KCNIP4: variants seen among roughly 807,000 people sequenced by gnomAD.
KCNIP4 encodes the protein potassium voltage-gated channel interacting protein 4, also known as Kv channel-interacting protein 4.
KCNIP4 carries 12 observed loss-of-function variants against 34.0 expected under a neutral mutation model. That is an observed-to-expected ratio of 0.35 (90% confidence interval 0.23 to 0.57). The LOEUF is 0.57. Among genes scored for constraint, KCNIP4 ranks in the 20% least tolerant of loss-of-function variants. The pLI, the probability that KCNIP4 is intolerant of heterozygous loss-of-function variation, is 0.83. For missense variants in KCNIP4, 238 were observed against 311.7 expected (o/e 0.76, Z 1.78); for synonymous variants, 124 against 102.2 (o/e 1.21, Z -1.29).
intron 1 of KCNIP4, among the ~76,000 whole-genome samples, chr4:20,913,221 A>G (rs1728493314): frequency 6.6e-6 from 1 of 152,170 alleles, no homozygotes; most frequent in Non-Finnish European, 1.5e-5. Context: ...ACAGAGGTGG[A>G]TCTTAAAAAC....
At chr4:21,643,105 T>A (rs529838885) in intron 1 of KCNIP4, among the ~76,000 whole-genome samples, 7 of 152,308 alleles carry the variant, frequency 4.6e-5, no homozygotes, top group Admixed American at 1.3e-4. Flanking sequence ...AAATGGGAAC[T>A]GTGTCATGTG....
chr4:21,493,642 A>C (rs1268951811), intron 1 of KCNIP4, among the ~76,000 whole-genome samples: 1 of 152,252 alleles, frequency 6.6e-6, no homozygotes. Context: ...CTTTCTCTCC[A>C]TCTAGCAGAC....
At chr4:20,962,724 A>G (rs1733969317) in intron 1 of KCNIP4, among the ~76,000 whole-genome samples, 1 of 152,248 alleles carries the variant, frequency 6.6e-6, no homozygotes, top group South Asian at 2.1e-4. Context: ...ATCAAATGAC[A>G]TGTTGCAGTG....
At chr4:20,980,698 G>A (rs915029132) in intron 1 of KCNIP4, among the ~76,000 whole-genome samples, 90 of 152,038 alleles carry the variant, frequency 5.9e-4, no homozygotes, top group African/African-American at 2.1e-3. Flanking sequence ...AATATTCCAT[G>A]ATGGTACCAT....
chr4:21,742,233 T>C (rs536398136), intron 1 of KCNIP4, among the ~76,000 whole-genome samples: 1 of 152,268 alleles, frequency 6.6e-6, no homozygotes, highest in African/African-American at 2.4e-5. Context: ...CAACCATGCA[T>C]TACATAGAGA....
intron 1 of KCNIP4, among the ~76,000 whole-genome samples, chr4:21,565,430 G>A (rs574771917): frequency 1.3e-5 from 2 of 152,156 alleles, no homozygotes. Context: ...GGGTGTTAAG[G>A]CTTCAACATA....
At chr4:21,420,072 C>G (rs1336094188) in intron 1 of KCNIP4, among the ~76,000 whole-genome samples, 1 of 152,128 alleles carries the variant, frequency 6.6e-6, no homozygotes, top group East Asian at 1.9e-4. Flanking sequence ...TTTTTACAAT[C>G]TGTTCTATGT....
At chr4:21,486,403 C>A (rs1467920871) in intron 1 of KCNIP4, among the ~76,000 whole-genome samples, 1 of 151,938 alleles carries the variant, frequency 6.6e-6, no homozygotes, top group African/African-American at 2.4e-5. Context: ...TGTGAGATAC[C>A]CTGAACCTAG....
intron 1 of KCNIP4, among the ~76,000 whole-genome samples, chr4:21,483,994 G>C (rs1350311094): frequency 1.5e-5 from 2 of 133,056 alleles, no homozygotes; most frequent in Non-Finnish European, 3.2e-5. Context: ...AGAACCATGA[G>C]CCAATTAAAC....
At chr4:21,947,340 A>G (rs1354071215) in intron 1 of KCNIP4, among the ~76,000 whole-genome samples, 1 of 152,210 alleles carries the variant, frequency 6.6e-6, no homozygotes, top group African/African-American at 2.4e-5. Context: ...CATAAGTGAA[A>G]ACAGAACTAA....
chr4:21,645,685 A>C (rs562053349), intron 1 of KCNIP4, among the ~76,000 whole-genome samples: 1 of 152,202 alleles, frequency 6.6e-6, no homozygotes, highest in Non-Finnish European at 1.5e-5. Flanking sequence ...TGATCGCTGA[A>C]CCAAGCCCCA....
At position 21,568,699 on chromosome 4, in the gene KCNIP4, CTG is replaced by C. The variant is rs199747822; in HGVS notation, c.61+379870_61+379871del. Among the ~76,000 whole-genome samples, 596 of 152,264 alleles carry C rather than the reference CTG, an allele frequency of 3.9e-3. 4 individuals carry two copies. Among genetic ancestry groups the C allele is most frequent in the African/African-American group, 0.013 (554 of 41,570 alleles). ...ACCCCAGTGCTTTGCCAGGGGCTCTCTGTGGCCTTTGGCCACAGACTGAAGAC... is the reference window on the plus strand; with the variant it reads ...ACCCCAGTGCTTTGCCAGGGGCTCTCTGGCCTTTGGCCACAGACTGAAGAC... On this transcript the variant is annotated intron_variant, in intron 1 of 8. Coordinates refer to ENST00000382152, the MANE Select transcript of KCNIP4 (RefSeq NM_025221.6).
chr4:21,211,857 A>T (rs1757245301), intron 1 of KCNIP4, among the ~76,000 whole-genome samples: 1 of 151,924 alleles, frequency 6.6e-6, no homozygotes, highest in African/African-American at 2.4e-5. Context: ...AGTCAGCTGC[A>T]TCCTAGATTT....
intron 1 of KCNIP4, among the ~76,000 whole-genome samples, chr4:21,246,091 A>G (rs1355429088): frequency 6.6e-6 from 1 of 152,184 alleles, no homozygotes; most frequent in East Asian, 1.9e-4. Context: ...TCTGCTGCAC[A>G]TTAGGCAGAT....
At position 21,948,734 on chromosome 4, in the gene KCNIP4, G is replaced by T; in HGVS notation, c.-103C>A. On this transcript the variant is annotated 5_prime_UTR_variant, in exon 1 of 9. Transcript: ENST00000382152. ...GCGCACCGCCGCTCGGCCCGGGGGCGTCCGTGGCGCTGGGAGCGAGAGCTT... is the reference window on the plus strand; with the variant it reads ...GCGCACCGCCGCTCGGCCCGGGGGCTTCCGTGGCGCTGGGAGCGAGAGCTT... The T allele has an allele frequency of 1.6e-6, 2 of 1,274,678 alleles. No homozygotes were observed. Among genetic ancestry groups the T allele is most frequent in the Non-Finnish European group, 2.0e-6 (2 of 994,936 alleles). 79.0% of individuals were successfully genotyped at this position (1,274,678 alleles called of 1,614,324 possible).
intron 1 of KCNIP4, among the ~76,000 whole-genome samples, chr4:21,795,757 C>T (rs2109242392): frequency 6.6e-6 from 1 of 152,124 alleles, no homozygotes; most frequent in Non-Finnish European, 1.5e-5. Flanking sequence ...AACACACTTT[C>T]TTCTTTGAAA....
intron 1 of KCNIP4, among the ~76,000 whole-genome samples, chr4:21,654,591 G>T (rs1205197007): frequency 6.6e-6 from 1 of 152,060 alleles, no homozygotes; most frequent in East Asian, 1.9e-4. Flanking sequence ...AGTACCTGGG[G>T]AAACACTGGG....
intron 1 of KCNIP4, among the ~76,000 whole-genome samples, chr4:20,974,756 A>G (rs1735317881): frequency 1.3e-5 from 2 of 152,206 alleles, no homozygotes; most frequent in South Asian, 2.1e-4. Flanking sequence ...ATGTTCATTT[A>G]TATATAAACC....
intron 1 of KCNIP4, among the ~76,000 whole-genome samples, chr4:21,570,741 A>AT (rs1053746338): frequency 2.0e-4 from 30 of 152,198 alleles, no homozygotes; most frequent in African/African-American, 6.3e-4. Context: ...TTATTTTATC[A>AT]TTTTCATCAT....
Sources: allele counts gnomAD v4.1 joint callset (sites outside exome capture counted in the v4.1 genomes callset), GRCh38; gene constraint gnomAD v4.1.1; transcripts MANE v1.5; gene names NCBI Gene and HGNC (gene_info 2026-07-23, HGNC 2026-07-21).